CYP2C18: variants seen among roughly 807,000 people sequenced by gnomAD.
CYP2C18 encodes the protein cytochrome P450 family 2 subfamily C member 18, also known as cytochrome P450 2C18.
A neutral mutation model predicts 41.3 loss-of-function variants in CYP2C18; 38 were observed. The ratio of observed to expected loss-of-function variants is 0.92; its 90% CI spans 0.71 to 1.21. The LOEUF (loss-of-function observed/expected upper bound fraction) is 1.21. CYP2C18 is among the 50% of genes most tolerant of loss of function. The pLI is 0.00. For missense variants in CYP2C18, 635 were observed against 591.4 expected (o/e 1.07, Z -0.77); for synonymous variants, 236 against 210.0 (o/e 1.12, Z -1.07).
At chr10:94,688,389 A>G in intron 3 of CYP2C18, 115 bp downstream of exon 3, 2 of 1,208,986 alleles carry the variant, frequency 1.7e-6, no homozygotes, top group East Asian at 5.1e-5. Flanking sequence ...ATTTTGTTAC[A>G]TGCACAGAAT....
chr10:94,731,360 A>G (rs1234143382), intron 7 of CYP2C18, among the ~76,000 whole-genome samples: 3 of 151,766 alleles, frequency 2.0e-5, no homozygotes, highest in Non-Finnish European at 4.4e-5. Flanking sequence ...AGGCTGGGTG[A>G]CAGAGTGAGA....
At chr10:94,727,760 T>C (rs1847768424) in intron 7 of CYP2C18, among the ~76,000 whole-genome samples, 1 of 152,140 alleles carries the variant, frequency 6.6e-6, no homozygotes, top group Non-Finnish European at 1.5e-5. Context: ...TGAATATATG[T>C]GTGTGTAGGT....
intron 3 of CYP2C18, among the ~76,000 whole-genome samples, chr10:94,694,372 A>G (rs1847073766): frequency 6.6e-6 from 1 of 152,190 alleles, no homozygotes; most frequent in Non-Finnish European, 1.5e-5. Flanking sequence ...CTTGTATAAC[A>G]TAGATGACTT....
At chr10:94,707,440 A>G (rs1343546468) in intron 5 of CYP2C18, among the ~76,000 whole-genome samples, 1 of 152,148 alleles carries the variant, frequency 6.6e-6, no homozygotes, top group African/African-American at 2.4e-5. Context: ...AAGAGATGGA[A>G]AAGGGAGGCC....
At chr10:94,703,877 G>A (rs1384602986) in intron 4 of CYP2C18, among the ~76,000 whole-genome samples, 1 of 152,198 alleles carries the variant, frequency 6.6e-6, no homozygotes, top group Admixed American at 6.5e-5. Flanking sequence ...GGCATCTGAA[G>A]GAATCTCCTA....
rs1847912646 is a variant in CYP2C18 at position 94,735,935 on chromosome 10, G to A, written c.*491G>A. 1 of 153,918 alleles carries A rather than the reference G, an allele frequency of 6.5e-6. No individual in the cohort carries two copies. The highest frequency in any genetic ancestry group is 2.4e-5 in the African/African-American group (1 of 41,418). 9.5% of individuals were successfully genotyped at this position (153,918 alleles called of 1,614,324 possible). A position where few individuals can be genotyped will look rare whatever the true frequency, so the allele number is the denominator to read the frequency against. On this transcript the variant is annotated 3_prime_UTR_variant, in exon 9 of 9. Transcript: ENST00000285979. ...CACAAAAAGGGAGAAAGGTAAGAGG[G>A]TAGGAAAGCTGTTTTAGCTAAATGC...
At chr10:94,699,777 G>T (rs957127236) in intron 4 of CYP2C18, among the ~76,000 whole-genome samples, 6 of 152,098 alleles carry the variant, frequency 3.9e-5, no homozygotes, top group Admixed American at 3.3e-4. Flanking sequence ...ACTTCAGCAA[G>T]GTCTCAGGAT....
At chr10:94,720,953 C>T (rs560556408) in intron 6 of CYP2C18, among the ~76,000 whole-genome samples, 4 of 152,076 alleles carry the variant, frequency 2.6e-5, no homozygotes, top group Non-Finnish European at 5.9e-5. Context: ...AAAGCCATGT[C>T]TACAAAATTC....
At chr10:94,728,669 A>T (rs1847782278) in intron 7 of CYP2C18, 2 of 875,378 alleles carry the variant, frequency 2.3e-6, no homozygotes, top group Middle Eastern at 1.2e-3. Flanking sequence ...ATATCATCTC[A>T]GAAGTCATTT....
At position 94,688,279 on chromosome 10, in the gene CYP2C18, G is replaced by A; in HGVS notation, c.481+5G>A. ...AGGAGTTGAGAAAAACCAATGGTGGGTGACTTTTTTTTTTCCTGAAAAATG... is the reference window on the plus strand; with the variant it reads ...AGGAGTTGAGAAAAACCAATGGTGGATGACTTTTTTTTTTCCTGAAAAATG... On this transcript the variant is annotated splice_donor_5th_base_variant and intron_variant, in intron 3 of 8. Transcript: ENST00000285979. The A allele has an allele frequency of 6.3e-7, 1 of 1,588,532 alleles. No homozygotes were observed.
intron 5 of CYP2C18, among the ~76,000 whole-genome samples, chr10:94,708,525 T>C (rs770274533): frequency 6.6e-6 from 1 of 152,222 alleles, no homozygotes; most frequent in Non-Finnish European, 1.5e-5. Context: ...AAAAGTGCAT[T>C]GTTCCTTTGA....
chr10:94,711,626 G>C (rs182878539), intron 5 of CYP2C18, among the ~76,000 whole-genome samples: 1 of 151,756 alleles, frequency 6.6e-6, no homozygotes, highest in African/African-American at 2.4e-5. Context: ...GCCCAGGCTG[G>C]AGTGGACCTC....
chr10:94,720,284 G>T, intron 5 of CYP2C18, 112 bp from the exon 6 acceptor site: 1 of 905,326 alleles, frequency 1.1e-6, no homozygotes, highest in Non-Finnish European at 1.6e-6. Context: ...ACTGCACTCT[G>T]TACAGTTTCC....
At chr10:94,726,901 A>G (rs930994689) in intron 7 of CYP2C18, among the ~76,000 whole-genome samples, 1 of 152,128 alleles carries the variant, frequency 6.6e-6, no homozygotes, top group Non-Finnish European at 1.5e-5. Flanking sequence ...AGGAAAAAGG[A>G]TTGGAGTTTG....
intron 1 of CYP2C18, among the ~76,000 whole-genome samples, chr10:94,686,068 C>A (rs1018540974): frequency 3.9e-5 from 6 of 152,042 alleles, no homozygotes; most frequent in Non-Finnish European, 8.8e-5. Context: ...CAATTTCTTT[C>A]ATCAATGATT....
chr10:94,687,818 C>A lies in CYP2C18; in HGVS notation c.217C>A (p.Pro73Thr), dbSNP rs763247577. 9.3e-6 allele frequency: 15 copies of A among 1,613,704 alleles called. No individual in the cohort carries two copies. The South Asian group carries it at 1.6e-4, about 18-fold the overall frequency. ...PVFTVYFGLK[P>T]IVVLHGYEAV... ...GTTCACTGTGTATTTTGGCCTGAAG[C>A]CCATTGTGGTGTTGCATGGATATGA... Residue 73 changes from proline to threonine, a missense_variant, in exon 2 of 9, where the codon CCC becomes ACC. Pro to Thr is a conservative substitution (Grantham distance 38). Coordinates refer to ENST00000285979, the MANE Select transcript of CYP2C18 (RefSeq NM_000772.3).
chr10:94,735,121 G>A, intron 8 of CYP2C18, 142 bp from the exon 9 acceptor site: 1 of 810,986 alleles, frequency 1.2e-6, no homozygotes, highest in Non-Finnish European at 2.0e-6. Flanking sequence ...TTGTTTTTCT[G>A]TGTATCCAGC....
In CYP2C18 at chr10:94,706,765, AT is replaced by A; in HGVS notation, c.643-14del. On this transcript the variant is annotated intron_variant, in intron 4 of 8. Coordinates refer to ENST00000285979, the MANE Select transcript of CYP2C18 (RefSeq NM_000772.3). ...TCAATACATGTGTTTAATTTAATTA[AT>A]TTTTAAAAATCTTTAAGGTCTGCAA... 1 of 1,434,828 alleles carries A rather than the reference AT, an allele frequency of 7.0e-7. No individual in the cohort carries two copies. The allele number at this position is 1,434,828 out of a possible 1,614,324, so 88.9% of individuals were successfully genotyped here.
intron 1 of CYP2C18, among the ~76,000 whole-genome samples, chr10:94,685,922 G>A (rs540692476): frequency 6.6e-6 from 1 of 152,070 alleles, no homozygotes; most frequent in East Asian, 1.9e-4. Flanking sequence ...TTCTATTTCT[G>A]TGAAGAATGA....
Sources: gnomAD v4.1 joint callset for allele counts (sites outside exome capture counted in the v4.1 genomes callset) on GRCh38, gnomAD v4.1.1 for gene constraint, MANE v1.5 for transcripts, NCBI Gene and HGNC (gene_info 2026-07-23, HGNC 2026-07-21) for gene names.